Variants in UIMC1 observed in about 807,000 individuals in gnomAD.
The protein encoded by UIMC1 is BRCA1-A complex subunit RAP80.
UIMC1 carries 42 observed loss-of-function variants against 84.9 expected under a neutral mutation model. The observed-to-expected ratio is 0.49, with a 90% CI of 0.39 to 0.64. UIMC1 has a LOEUF of 0.64. Among genes scored for constraint, UIMC1 ranks in the 30% least tolerant of loss-of-function variants. UIMC1 has a pLI of 0.00. For missense variants in UIMC1, 825 were observed against 847.6 expected (o/e 0.97, Z 0.33); for synonymous variants, 281 against 293.0 (o/e 0.96, Z 0.42).
At chr5:176,956,810 T>G (rs573384194) in intron 7 of UIMC1, among the ~76,000 whole-genome samples, 141 of 151,894 alleles carry the variant, frequency 9.3e-4, no homozygotes, top group South Asian at 2.5e-3. Context: ...GAAGACAGAA[T>G]AGCTACAACT....
At chr5:176,924,914 T>G (rs1205556413) in intron 10 of UIMC1, among the ~76,000 whole-genome samples, 1 of 150,538 alleles carries the variant, frequency 6.6e-6, no homozygotes, top group Non-Finnish European at 1.5e-5. Context: ...ATCTGTAGTC[T>G]CAGCTACTCA....
At chr5:176,978,451 C>A (rs933050119) in intron 2 of UIMC1, among the ~76,000 whole-genome samples, 2 of 152,006 alleles carry the variant, frequency 1.3e-5, no homozygotes, top group Non-Finnish European at 2.9e-5. Flanking sequence ...CCCTATAAAA[C>A]AAATAATTCC....
At chr5:176,943,560 C>A in intron 9 of UIMC1, 72 bp from the exon 10 acceptor site, 1 of 1,534,876 alleles carries the variant, frequency 6.5e-7, no homozygotes, top group Non-Finnish European at 8.8e-7. Context: ...CTGCAAGAGA[C>A]TCCACCCCAT....
At chr5:176,942,735 G>A (rs1239605083) in intron 10 of UIMC1, among the ~76,000 whole-genome samples, 1 of 126,094 alleles carries the variant, frequency 7.9e-6, no homozygotes, top group Non-Finnish European at 1.6e-5. Flanking sequence ...GACAGAGCGA[G>A]ACTCCGTCTT....
upstream of UIMC1, among the ~76,000 whole-genome samples, chr5:177,010,824 G>T (rs1775532819): frequency 6.6e-6 from 1 of 152,102 alleles, no homozygotes; most frequent in African/African-American, 2.4e-5. Flanking sequence ...CTTTTCAAAA[G>T]GGGGCTGGAG....
chr5:176,944,272 T>A (rs895903651), intron 9 of UIMC1, among the ~76,000 whole-genome samples: 1 of 152,252 alleles, frequency 6.6e-6, no homozygotes, highest in African/African-American at 2.4e-5. Flanking sequence ...CACCAAATAA[T>A]TCATTAGTTA....
chr5:176,979,765 A>C (rs1348062524), intron 2 of UIMC1, among the ~76,000 whole-genome samples: 1 of 152,178 alleles, frequency 6.6e-6, no homozygotes, highest in Non-Finnish European at 1.5e-5. Flanking sequence ...GACGTATGAC[A>C]TATGTGCTGC....
At chr5:177,006,400 C>G (rs1182960232) in intron 1 of UIMC1, 1 of 152,224 alleles carries the variant, frequency 6.6e-6, no homozygotes, top group Non-Finnish European at 1.5e-5. Context: ...AGCCCCGCAT[C>G]CCGAGCCCAC....
At chr5:176,918,631 A>G (rs1184095872) in intron 10 of UIMC1, among the ~76,000 whole-genome samples, 6 of 151,658 alleles carry the variant, frequency 4.0e-5, no homozygotes, top group African/African-American at 1.5e-4. Context: ...ATCTTTCCCA[A>G]CTCACCCTCT....
At chr5:176,999,976 T>G (rs941242803) in intron 1 of UIMC1, among the ~76,000 whole-genome samples, 1 of 152,188 alleles carries the variant, frequency 6.6e-6, no homozygotes, top group Non-Finnish European at 1.5e-5. Flanking sequence ...TTTTCTTTTT[T>G]GGGATGGAGT....
At chr5:176,926,357 A>G (rs750246959) in intron 10 of UIMC1, among the ~76,000 whole-genome samples, 51 of 152,218 alleles carry the variant, frequency 3.4e-4, no homozygotes, top group South Asian at 8.3e-4. Flanking sequence ...AGAGATACAC[A>G]CTGATCAAGC....
chr5:176,923,373 A>G (rs1761937677), intron 10 of UIMC1, among the ~76,000 whole-genome samples: 1 of 152,152 alleles, frequency 6.6e-6, no homozygotes, highest in Non-Finnish European at 1.5e-5. Flanking sequence ...CAGTAGTTCT[A>G]CCAGATAAAA....
At chr5:176,967,574 G>A (rs190729644) in intron 6 of UIMC1, among the ~76,000 whole-genome samples, 1 of 152,160 alleles carries the variant, frequency 6.6e-6, no homozygotes, top group East Asian at 1.9e-4. Context: ...TGTGAATATT[G>A]TTACCTATTC....
rs150985616 is a variant in UIMC1, at chr5:176,979,174, G to A, written c.147+3295C>T. On this transcript the variant is annotated intron_variant, in intron 2 of 14. Transcript: ENST00000511320. ...GTAAAATTTCAAATACCTGGGGAAT[G>A]GAGAGATTATTGGAAAGTGTTGGTA... Among the ~76,000 whole-genome samples the A allele has an allele frequency of 9.1e-3, 1,384 of 152,256 alleles. 8 individuals carry two copies. Among genetic ancestry groups the A allele is most frequent in the South Asian group, 0.025 (121 of 4,822 alleles).
intron 1 of UIMC1, among the ~76,000 whole-genome samples, chr5:177,003,035 G>A (rs988729234): frequency 2.6e-5 from 4 of 152,058 alleles, no homozygotes; most frequent in African/African-American, 9.6e-5. Flanking sequence ...TTTGCTGAGT[G>A]AATAAAGAGC....
chr5:176,983,401 G>GT (rs1369866703), intron 1 of UIMC1, among the ~76,000 whole-genome samples: 1 of 151,668 alleles, frequency 6.6e-6, no homozygotes, highest in African/African-American at 2.4e-5. Context: ...CTCCTGACTG[G>GT]TTTTTGTATT....
chr5:176,935,200 TC>T (rs1763581806), intron 10 of UIMC1, among the ~76,000 whole-genome samples: 1 of 152,226 alleles, frequency 6.6e-6, no homozygotes, highest in Non-Finnish European at 1.5e-5. Flanking sequence ...CATTTGTCAT[TC>T]TCCAACTGCC....
chr5:176,912,365 C>A (rs986062315), intron 10 of UIMC1, among the ~76,000 whole-genome samples: 1 of 152,124 alleles, frequency 6.6e-6, no homozygotes, highest in Non-Finnish European at 1.5e-5. Context: ...TAGATTTGAC[C>A]CATGGCTGGC....
At chr5:176,970,247 G>A (rs968469764) in intron 4 of UIMC1, 3 of 178,662 alleles carry the variant, frequency 1.7e-5, no homozygotes, top group Non-Finnish European at 3.4e-5. Flanking sequence ...ACTCCAGCCT[G>A]GGCAATGGAG....
Sources: gnomAD v4.1 joint callset for allele counts (sites outside exome capture counted in the v4.1 genomes callset) on GRCh38, gnomAD v4.1.1 for gene constraint, MANE v1.5 for transcripts, NCBI Gene and HGNC (gene_info 2026-07-23, HGNC 2026-07-21) for gene names.